Variants in KHDRBS2 observed in about 807,000 individuals in gnomAD.
The protein encoded by KHDRBS2 is KH RNA binding domain containing, signal transduction associated 2, also known as KH domain-containing, RNA-binding, signal transduction-associated protein 2.
A neutral mutation model predicts 44.3 loss-of-function variants in KHDRBS2; 26 were observed. The observed-to-expected ratio is 0.59, with a 90% CI of 0.43 to 0.81. The LOEUF is 0.81. Ranked by LOEUF, KHDRBS2 falls within the 40% of genes least tolerant of loss-of-function variation. The pLI is 0.00. For synonymous variants in KHDRBS2, 194 were observed against 151.1 expected (o/e 1.28, Z -2.08); for missense variants, 476 against 433.1 (o/e 1.10, Z -0.88).
At chr6:61,843,467 C>T (rs1262350195) in intron 6 of KHDRBS2, among the ~76,000 whole-genome samples, 1 of 151,648 alleles carries the variant, frequency 6.6e-6, no homozygotes, top group South Asian at 2.1e-4. Flanking sequence ...AAGCCATTCT[C>T]CTTGAACTAC....
chr6:62,058,929 T>C (rs1342404410), intron 2 of KHDRBS2, among the ~76,000 whole-genome samples: 9 of 151,702 alleles, frequency 5.9e-5, no homozygotes, highest in Non-Finnish European at 1.2e-4. Context: ...TAAAATAAAA[T>C]ATGTAAAATT....
At chr6:62,193,462 G>T (rs1372155024) in intron 1 of KHDRBS2, among the ~76,000 whole-genome samples, 1 of 152,024 alleles carries the variant, frequency 6.6e-6, no homozygotes, top group Non-Finnish European at 1.5e-5. Flanking sequence ...AACTTGTTGG[G>T]TGGTTTTTGA....
At chr6:61,616,073 T>C in the KHDRBS2 span, among the ~76,000 whole-genome samples, 12 of 152,264 alleles carry the variant, frequency 7.9e-5, no homozygotes, top group South Asian at 2.5e-3. Context: ...CAGATTATAG[T>C]TCTGTATCAA....
intron 3 of KHDRBS2, among the ~76,000 whole-genome samples, chr6:62,001,346 G>A (rs1475093391): frequency 1.3e-5 from 2 of 151,472 alleles, no homozygotes; most frequent in Middle Eastern, 6.8e-3. Context: ...TTATTTTGTG[G>A]GTGTATGACG....
At chr6:61,612,817 C>A in the KHDRBS2 span, among the ~76,000 whole-genome samples, 1 of 140,878 alleles carries the variant, frequency 7.1e-6, no homozygotes, top group Non-Finnish European at 1.5e-5. Flanking sequence ...GCAAAGTAGT[C>A]TAAAACTGTT....
the KHDRBS2 span, among the ~76,000 whole-genome samples, chr6:61,585,306 T>C: frequency 9.2e-5 from 14 of 152,156 alleles, no homozygotes; most frequent in East Asian, 2.3e-3. Context: ...AGAAAAATGG[T>C]ACTTCATCAT....
intron 6 of KHDRBS2, among the ~76,000 whole-genome samples, chr6:61,794,605 A>T (rs1281858938): frequency 6.6e-6 from 1 of 152,180 alleles, no homozygotes; most frequent in Non-Finnish European, 1.5e-5. Context: ...ATTTCATCAA[A>T]TGCCATAAAA....
intron 6 of KHDRBS2, among the ~76,000 whole-genome samples, chr6:61,758,315 G>A (rs1778809286): frequency 6.6e-6 from 1 of 151,894 alleles, no homozygotes; most frequent in Non-Finnish European, 1.5e-5. Flanking sequence ...CAAAACGTAA[G>A]TCTAGTTCAT....
the KHDRBS2 span, among the ~76,000 whole-genome samples, chr6:61,551,878 A>T: frequency 1.3e-5 from 2 of 151,984 alleles, no homozygotes; most frequent in Non-Finnish European, 2.9e-5. Flanking sequence ...ATTTTAAATT[A>T]GTTTTTTCCT....
At chr6:61,793,664 C>A (rs1483389634) in intron 6 of KHDRBS2, among the ~76,000 whole-genome samples, 1 of 151,918 alleles carries the variant, frequency 6.6e-6, no homozygotes, top group Non-Finnish European at 1.5e-5. Context: ...TTCTGCATAT[C>A]TTTCAATATG....
chr6:61,543,681 C>T, the KHDRBS2 span, among the ~76,000 whole-genome samples: 26 of 151,972 alleles, frequency 1.7e-4, no homozygotes, highest in South Asian at 2.7e-3. Flanking sequence ...TTCAAATATC[C>T]GAGATTTGAA....
intron 1 of KHDRBS2, among the ~76,000 whole-genome samples, chr6:62,213,905 A>AAAAAAAAAAAAAAAT (rs1301101254): frequency 7.5e-6 from 1 of 132,690 alleles, no homozygotes; most frequent in African/African-American, 2.8e-5. Flanking sequence ...AAAAAAAAAG[A>AAAAAAAAAAAAAAAT]ATGAAGTATC....
the KHDRBS2 span, among the ~76,000 whole-genome samples, chr6:61,645,086 T>C: frequency 2.0e-5 from 3 of 151,558 alleles, no homozygotes; most frequent in Non-Finnish European, 2.9e-5. Flanking sequence ...CAATGAAAAA[T>C]TGAATAAAGA....
chr6:62,250,003 G>C (rs1836257605), intron 1 of KHDRBS2, among the ~76,000 whole-genome samples: 1 of 152,136 alleles, frequency 6.6e-6, no homozygotes, highest in East Asian at 1.9e-4. Context: ...GTAGCACTCT[G>C]TTCTTGCATT....
At chr6:62,050,840 G>A (rs985223943) in intron 2 of KHDRBS2, among the ~76,000 whole-genome samples, 15 of 151,966 alleles carry the variant, frequency 9.9e-5, no homozygotes, top group African/African-American at 2.7e-4. Flanking sequence ...CAACTTGCAC[G>A]TGAATGCTCA....
rs538902227 is a variant in KHDRBS2 at position 61,749,658 on chromosome 6, C to T, written c.811-16894G>A. 1.1e-4 allele frequency among the ~76,000 whole-genome samples: 17 copies of T among 152,180 alleles called. No individual in the cohort carries two copies. The South Asian group carries it at 3.5e-3, about 32-fold the overall frequency. ...GAACTAGTAGCTTGGATGACATTTTCTATATGATTCACTTCTTTGGTAACA... is the reference window on the plus strand; with the variant it reads ...GAACTAGTAGCTTGGATGACATTTTTTATATGATTCACTTCTTTGGTAACA... On this transcript the variant is annotated intron_variant, in intron 6 of 8. Coordinates refer to ENST00000281156, the MANE Select transcript of KHDRBS2 (RefSeq NM_152688.4).
chr6:61,863,747 A>G (rs559194228), intron 6 of KHDRBS2, among the ~76,000 whole-genome samples: 1 of 152,282 alleles, frequency 6.6e-6, no homozygotes, highest in South Asian at 2.1e-4. Context: ...AATGAGAAGA[A>G]TATATATTCT....
At chr6:62,064,336 C>T (rs1562766571) in intron 2 of KHDRBS2, among the ~76,000 whole-genome samples, 2 of 148,414 alleles carry the variant, frequency 1.3e-5, no homozygotes, top group Non-Finnish European at 3.0e-5. Flanking sequence ...AATCCTAAGC[C>T]AAAAGAACAA....
chr6:62,090,752 T>A (rs1799349108), intron 2 of KHDRBS2, among the ~76,000 whole-genome samples: 2 of 152,120 alleles, frequency 1.3e-5, no homozygotes, highest in Admixed American at 1.3e-4. Context: ...AATGTTACCC[T>A]TCATTTAAGT....
Sources: allele counts gnomAD v4.1 joint callset (sites outside exome capture counted in the v4.1 genomes callset), GRCh38; gene constraint gnomAD v4.1.1; transcripts MANE v1.5; gene names NCBI Gene and HGNC (gene_info 2026-07-23, HGNC 2026-07-21).